Variants in SLC29A2 observed in about 807,000 individuals in gnomAD.
SLC29A2 encodes equilibrative nucleoside transporter 2.
In SLC29A2, 37 loss-of-function variants were observed where a neutral mutation model predicts 48.8. The observed-to-expected ratio is 0.76, with a 90% confidence interval of 0.58 to 1.00. SLC29A2 has a LOEUF of 1.00. SLC29A2 is among the 50% of genes least tolerant of loss of function. SLC29A2 has a pLI of 0.00. For missense variants in SLC29A2, 533 were observed against 578.6 expected, an observed-to-expected ratio of 0.92 and a Z score of 0.81; for synonymous variants, 233 against 261.7, an observed-to-expected ratio of 0.89 and a Z score of 1.06.
rs762118978 is a variant in SLC29A2, at chr11:66,363,631, T to C, written c.1260-84A>G. ...TCCACTGCCCTCTGCCCATCCAGTC[T>C]GGGCTCTGACCCAACCCCTCTGTCA... is the stretch of plus-strand genomic sequence containing the variant. On this transcript the variant is annotated intron_variant, in intron 11 of 11. Transcript: ENST00000357440. 87 of 1,047,632 alleles carry C rather than the reference T, an allele frequency of 8.3e-5. 1 individual carries two copies. The Admixed American group carries it at 1.6e-3, about 20-fold the overall frequency. 64.9% of individuals were successfully genotyped at this position (1,047,632 alleles called of 1,614,324 possible).
chr11:66,363,014 G>A lies in SLC29A2; in HGVS notation c.*422C>T, dbSNP rs367972776. ...CTCTCAGGTGCCCACAACTTCCCTG[G>A]CACCTTTTACCCTGGGTGGCTGAGG... On this transcript the variant is annotated 3_prime_UTR_variant, in exon 12 of 12. Coordinates refer to ENST00000357440, the MANE Select transcript of SLC29A2 (RefSeq NM_001532.3). The A allele has an allele frequency of 6.2e-4, 166 of 266,994 alleles. 2 individuals are homozygous for A. The South Asian group carries it at 6.2e-3, about 10-fold the overall frequency. 16.5% of individuals were successfully genotyped at this position (266,994 alleles called of 1,614,324 possible).
In SLC29A2 at chr11:66,364,503, C is replaced by CT. The variant is rs10605893; in HGVS notation, c.1060-80dup. ...GGCATCTCAGGACACCCATAGAGTA[C>CT]TTTTTTTTTTTTTTTTTTTAGATGG... is the stretch of plus-strand genomic sequence containing the variant. On this transcript the variant is annotated intron_variant, in intron 10 of 11. Transcript: ENST00000357440. 6.2e-3 allele frequency: 4,032 copies of CT among 653,392 alleles called. 3 individuals are homozygous for CT. The highest frequency in any genetic ancestry group is 9.4e-3 in the East Asian group (311 of 33,016). 40.5% of individuals were successfully genotyped at this position (653,392 alleles called of 1,614,324 possible). A position where few individuals can be genotyped will look rare whatever the true frequency, so the allele number is the denominator to read the frequency against.
chr11:66,371,439 G>A, intron 1 of SLC29A2, 114 bp from the exon 2 acceptor site: 1 of 1,506,984 alleles, frequency 6.6e-7, no homozygotes, highest in Non-Finnish European at 9.1e-7. Flanking sequence ...CCCGGTTCCG[G>A]CGGCCGAGGG....
intron 5 of SLC29A2, among the ~76,000 whole-genome samples, chr11:66,368,179 G>C (rs1212198863): frequency 1.3e-5 from 2 of 152,158 alleles, no homozygotes; most frequent in Non-Finnish European, 2.9e-5. Context: ...AGCACAGAGA[G>C]GTGACAAGCC....
Position 66,371,286 on chromosome 11 carries a change from C to T in SLC29A2, c.69G>A (p.Leu23=). 1 of 1,613,876 alleles carries T rather than the reference C, an allele frequency of 6.2e-7. No individual in the cohort carries two copies. The highest frequency in any genetic ancestry group is 8.5e-7 in the Non-Finnish European group (1 of 1,180,012). Residue 23 remains leucine, a synonymous_variant, in exon 2 of 12, where the codon CTG becomes CTA. Transcript: ENST00000357440. The part of the protein sequence containing the change: ...LVGISFFILG[L]GTLLPWNFFI... ...AGAAGTTCCAGGGAAGGAGGGTGCC[C>T]AGCCCCAGGATGAAGAAGCTGATCC...
intron 2 of SLC29A2, 64 bp downstream of exon 2, chr11:66,371,180 C>A: frequency 6.8e-7 from 1 of 1,476,156 alleles, no homozygotes; most frequent in South Asian, 1.1e-5. Context: ...AAGCTTCATC[C>A]AAAGGGCTGG....
chr11:66,364,311 T>G lies in SLC29A2; in HGVS notation c.1173A>C (p.Pro391=). 1 of 1,613,192 alleles carries G rather than the reference T, an allele frequency of 6.2e-7. No homozygotes were observed. The highest frequency in any genetic ancestry group is 8.5e-7 in the Non-Finnish European group (1 of 1,179,766). Reference sequence around the variant, plus strand: ...TGAAGGTGATGAAGTAGGCATCCTGTGGGAAGAGGATGGGCAGCCGGGACC... The same window carrying G: ...TGAAGGTGATGAAGTAGGCATCCTGGGGGAAGAGGATGGGCAGCCGGGACC... The part of the protein sequence containing the change: ...PQRSRLPILF[P]QDAYFITFML... Residue 391 remains proline (P), a synonymous_variant, in exon 11 of 12, where the codon CCA becomes CCC. Transcript: ENST00000357440.
chr11:66,363,836 C>T (rs1419320838), intron 11 of SLC29A2: 1 of 529,688 alleles, frequency 1.9e-6, no homozygotes, highest in Non-Finnish European at 3.4e-6. Flanking sequence ...CTGGATTCTC[C>T]ACTCCATTGC....
intron 2 of SLC29A2, among the ~76,000 whole-genome samples, chr11:66,370,159 G>C (rs1379973561): frequency 6.6e-6 from 1 of 152,130 alleles, no homozygotes; most frequent in East Asian, 1.9e-4. Context: ...CTGTCGCCTC[G>C]GCCTGGAATG....
Position 66,362,870 on chromosome 11 carries a change from TG to T in SLC29A2, c.*565del. 5.6e-6 allele frequency: 1 copy of T among 179,582 alleles called. No homozygotes were observed. Among genetic ancestry groups the T allele is most frequent in the South Asian group, 1.2e-4 (1 of 8,128 alleles). The allele number at this position is 179,582 out of a possible 1,614,324, so 11.1% of individuals were successfully genotyped here. On this transcript the variant is annotated 3_prime_UTR_variant, in exon 12 of 12. Transcript: ENST00000357440. ...CACACATGCAGGCTAGCTGTGGCCC[TG>T]GGGCCCAGGCCCAGCTGGGCTCTGC...
At position 66,365,918 on chromosome 11, in the gene SLC29A2, C is replaced by G; in HGVS notation, c.1059+18G>C. 1 of 1,610,614 alleles carries G rather than the reference C, an allele frequency of 6.2e-7. No individual in the cohort carries two copies. Among genetic ancestry groups the G allele is most frequent in the Non-Finnish European group, 8.5e-7 (1 of 1,176,848 alleles). On this transcript the variant is annotated intron_variant, in intron 10 of 11. Transcript: ENST00000357440. ...CTGCTTCCTAAAACATCGGATCACC[C>G]AGCCCTGGTGTGCTTACCCACAGGA...
In SLC29A2 at chr11:66,367,888, T is replaced by C; in HGVS notation, c.551-19A>G. The C allele has an allele frequency of 6.2e-7, 1 of 1,609,362 alleles. No homozygotes were observed. The highest frequency in any genetic ancestry group is 8.5e-7 in the Non-Finnish European group (1 of 1,176,340). ...ACGCCACCTGCGGAGGAACTTCAGC[T>C]GCAGAAGAGAGGCACCTGGTCCCGC... On this transcript the variant is annotated intron_variant, in intron 5 of 11. Coordinates refer to ENST00000357440, the MANE Select transcript of SLC29A2 (RefSeq NM_001532.3).
At chr11:66,370,201 T>C (rs929542314) in intron 2 of SLC29A2, among the ~76,000 whole-genome samples, 1 of 152,238 alleles carries the variant, frequency 6.6e-6, no homozygotes, top group Non-Finnish European at 1.5e-5. Flanking sequence ...ACATGCACTT[T>C]GCCTACCCTA....
rs1434719987 is a variant in SLC29A2, at chr11:66,369,347, G to A, written c.275+22C>T. On this transcript the variant is annotated intron_variant, in intron 3 of 11. Transcript: ENST00000357440. The stretch of plus-strand genomic sequence containing the variant: ...TGAAGCTGCCTCGGCAGAGGGCGCA[G>A]GAGCCAGGGCAGGCCTCTCACCACT... 2.5e-6 allele frequency: 4 copies of A among 1,613,594 alleles called. No homozygotes were observed. In the African/African-American group the frequency reaches 4.0e-5, roughly 16 times the overall value.
At position 66,363,306 on chromosome 11, in the gene SLC29A2, T is replaced by C. The variant is rs781235865; in HGVS notation, c.*130A>G. 3 of 738,298 alleles carry C rather than the reference T, an allele frequency of 4.1e-6. No individual in the cohort carries two copies. The highest frequency in any genetic ancestry group is 7.4e-6 in the Non-Finnish European group (3 of 408,032). 45.7% of individuals were successfully genotyped at this position (738,298 alleles called of 1,614,324 possible). A position where few individuals can be genotyped will look rare whatever the true frequency, so the allele number is the denominator to read the frequency against. The stretch of plus-strand genomic sequence containing the variant: ...ATGAAGAGCAGCTCCTGCCCGCTGC[T>C]GGCAGCCTCAGGCCCAGGGGCCTCC... On this transcript the variant is annotated 3_prime_UTR_variant, in exon 12 of 12. Coordinates refer to ENST00000357440, the MANE Select transcript of SLC29A2 (RefSeq NM_001532.3).
chr11:66,368,795 G>A, intron 4 of SLC29A2, 124 bp from the exon 5 acceptor site: 1 of 1,328,168 alleles, frequency 7.5e-7, no homozygotes, highest in South Asian at 1.3e-5. Flanking sequence ...GCTTCCCTAG[G>A]GACTCTGAGC....
At chr11:66,369,335 G>T in intron 3 of SLC29A2, 34 bp downstream of exon 3, 1 of 1,613,330 alleles carries the variant, frequency 6.2e-7, no homozygotes, top group Non-Finnish European at 8.5e-7. Context: ...AGCTGCCTCG[G>T]CAGAGGGCGC....
rs765398691 is a variant in SLC29A2 at position 66,369,166 on chromosome 11, C to T, written c.309G>A (p.Leu103=). The T allele has an allele frequency of 8.2e-6, 13 of 1,576,838 alleles. No individual in the cohort carries two copies. The highest frequency in any genetic ancestry group is 2.7e-5 in the African/African-American group (2 of 73,964). ...GGGCAAAGAGCAGCAGTATGGCCAG[C>T]AGGCTGCCCAGAATGCGCACCGTCT... The part of the protein sequence containing the change: ...VPETVRILGS[L]LAILLLFALT... Residue 103 remains leucine, a synonymous_variant, in exon 4 of 12, where the codon CTG becomes CTA. Coordinates refer to ENST00000357440, the MANE Select transcript of SLC29A2 (RefSeq NM_001532.3).
chr11:66,367,891 A>G (rs1419186200), intron 5 of SLC29A2, 22 bp from the exon 6 acceptor site: 1 of 1,604,776 alleles, frequency 6.2e-7, no homozygotes, highest in Non-Finnish European at 8.5e-7. Context: ...CTTCAGCTGC[A>G]GAAGAGAGGC....
Sources: allele counts gnomAD v4.1 joint callset (sites outside exome capture counted in the v4.1 genomes callset), GRCh38; gene constraint gnomAD v4.1.1; transcripts MANE v1.5; gene names NCBI Gene and HGNC (gene_info 2026-07-23, HGNC 2026-07-21).